EHD4: variants seen among roughly 807,000 people sequenced by gnomAD.
EHD4 encodes the protein EH domain containing 4, also known as EH domain-containing protein 4.
In EHD4, 37 loss-of-function variants were observed where a neutral mutation model predicts 51.0. The ratio of observed to expected loss-of-function variants is 0.73; its 90% confidence interval spans 0.56 to 0.95. EHD4 has a LOEUF of 0.95. Ranked by LOEUF, EHD4 falls within the 40% of genes least tolerant of loss-of-function variation. EHD4 has a pLI of 0.00. For synonymous variants in EHD4, 297 were observed against 317.3 expected (o/e 0.94, Z 0.68); for missense variants, 632 against 733.1 (o/e 0.86, Z 1.59).
chr15:41,905,436 C>G (rs912834914), intron 5 of EHD4, among the ~76,000 whole-genome samples: 3 of 152,204 alleles, frequency 2.0e-5, no homozygotes, highest in African/African-American at 7.2e-5. Flanking sequence ...CACTAACTTA[C>G]TAATTCACTT....
At chr15:41,909,626 C>A in intron 5 of EHD4, 73 bp downstream of exon 5, 1 of 1,565,748 alleles carries the variant, frequency 6.4e-7, no homozygotes, top group South Asian at 1.1e-5. Context: ...TCATTTGTCT[C>A]CAGCAAACAG....
At chr15:41,948,264 C>A (rs2067828602) in intron 2 of EHD4, among the ~76,000 whole-genome samples, 1 of 151,970 alleles carries the variant, frequency 6.6e-6, no homozygotes, top group Admixed American at 6.6e-5. Flanking sequence ...AAAAAAAAAA[C>A]CACGATGGTT....
At chr15:41,951,200 C>G (rs1162756507) in intron 2 of EHD4, among the ~76,000 whole-genome samples, 2 of 152,194 alleles carry the variant, frequency 1.3e-5, no homozygotes, top group African/African-American at 2.4e-5. Context: ...TTGAGGATAA[C>G]AGTAGCATCA....
At chr15:41,970,072 G>A (rs745734777) in intron 1 of EHD4, among the ~76,000 whole-genome samples, 3 of 152,168 alleles carry the variant, frequency 2.0e-5, no homozygotes, top group Admixed American at 1.3e-4. Flanking sequence ...ATGAATCCAT[G>A]GTTCATTTAC....
chr15:41,918,213 G>A (rs2067598357), intron 4 of EHD4, among the ~76,000 whole-genome samples: 1 of 97,978 alleles, frequency 1.0e-5, no homozygotes, highest in African/African-American at 4.6e-5. Context: ...CACCCAGGGA[G>A]CTTTACACAC....
At chr15:41,943,014 C>T (rs1178825758) in intron 3 of EHD4, 53 bp downstream of exon 3, 1 of 1,430,882 alleles carries the variant, frequency 7.0e-7, no homozygotes, top group Admixed American at 2.0e-5. Flanking sequence ...CTGCTCACAG[C>T]AGAGAGGGCC....
intron 2 of EHD4, among the ~76,000 whole-genome samples, chr15:41,949,540 C>A (rs1398742643): frequency 6.6e-6 from 1 of 152,118 alleles, no homozygotes; most frequent in Non-Finnish European, 1.5e-5. Flanking sequence ...TGTTTATCAT[C>A]ACCATCATCA....
chr15:41,948,448 G>A (rs553222432), intron 2 of EHD4, among the ~76,000 whole-genome samples: 18 of 152,174 alleles, frequency 1.2e-4, no homozygotes, highest in African/African-American at 4.1e-4. Context: ...GTGAGCCACC[G>A]TGGCTGGCCA....
At chr15:41,925,059 CAAA>C (rs10612546) in intron 3 of EHD4, among the ~76,000 whole-genome samples, 38 of 139,834 alleles carry the variant, frequency 2.7e-4, no homozygotes, top group Non-Finnish European at 3.1e-4. Flanking sequence ...GACTGTATCT[CAAA>C]AAAAAAAAAA....
chr15:41,946,837 G>T (rs888165985), intron 2 of EHD4, among the ~76,000 whole-genome samples: 7 of 152,118 alleles, frequency 4.6e-5, no homozygotes, highest in African/African-American at 1.7e-4. Context: ...TTAAAAACTA[G>T]ACTTTTAGAA....
chr15:41,943,528 G>A (rs2067791228), intron 2 of EHD4, among the ~76,000 whole-genome samples: 1 of 152,214 alleles, frequency 6.6e-6, no homozygotes, highest in Non-Finnish European at 1.5e-5. Context: ...TTGACCTCAT[G>A]AGGTGAAGGA....
chr15:41,953,960 G>A lies in EHD4; in HGVS notation c.237-20C>T. 1 of 1,607,358 alleles carries A rather than the reference G, an allele frequency of 6.2e-7. No individual in the cohort carries two copies. The highest frequency in any genetic ancestry group is 1.4e-5 in the African/African-American group (1 of 73,210). The stretch of plus-strand genomic sequence containing the variant: ...AGGTATCTGGGAGAGGGAAGAAGAA[G>A]AGAAAGCTTAGCATCTTATCACAAA... On this transcript the variant is annotated intron_variant, in intron 1 of 5. Coordinates refer to ENST00000220325, the MANE Select transcript of EHD4 (RefSeq NM_139265.4).
chr15:41,901,976 G>T (rs1374627271), intron 5 of EHD4, among the ~76,000 whole-genome samples: 4 of 152,228 alleles, frequency 2.6e-5, no homozygotes, highest in Admixed American at 6.5e-5. Flanking sequence ...GAACTTGTAA[G>T]AGCAGGGAGT....
At chr15:41,954,693 A>G (rs1162461463) in intron 1 of EHD4, among the ~76,000 whole-genome samples, 1 of 151,894 alleles carries the variant, frequency 6.6e-6, no homozygotes, top group African/African-American at 2.4e-5. Context: ...GCTGGAGTGC[A>G]GTGGTGCAAT....
intron 3 of EHD4, among the ~76,000 whole-genome samples, chr15:41,935,821 C>T (rs930244645): frequency 5.3e-5 from 8 of 152,128 alleles, no homozygotes; most frequent in African/African-American, 1.4e-4. Flanking sequence ...GTTGGGTTCT[C>T]GCTTGGGGTC....
intron 2 of EHD4, among the ~76,000 whole-genome samples, chr15:41,950,580 T>C (rs1406003630): frequency 6.6e-6 from 1 of 152,244 alleles, no homozygotes; most frequent in Non-Finnish European, 1.5e-5. Flanking sequence ...TAATTGACTC[T>C]TTCTTAAATA....
chr15:41,945,455 C>A (rs979177242), intron 2 of EHD4, among the ~76,000 whole-genome samples: 38 of 152,128 alleles, frequency 2.5e-4, no homozygotes, highest in Admixed American at 1.3e-4. Context: ...TACAAGCGGG[C>A]AAAGCGAGGA....
chr15:41,933,742 G>T (rs2067713189), intron 3 of EHD4, among the ~76,000 whole-genome samples: 1 of 152,186 alleles, frequency 6.6e-6, no homozygotes, highest in African/African-American at 2.4e-5. Context: ...AACCAGGGAA[G>T]GTTATTAAAC....
chr15:41,947,629 A>T (rs1222389968), intron 2 of EHD4, among the ~76,000 whole-genome samples: 1 of 152,236 alleles, frequency 6.6e-6, no homozygotes, highest in African/African-American at 2.4e-5. Flanking sequence ...ACTGAACTGT[A>T]ATAATTCTTA....
Sources: allele counts gnomAD v4.1 joint callset (sites outside exome capture counted in the v4.1 genomes callset), GRCh38; gene constraint gnomAD v4.1.1; transcripts MANE v1.5; gene names NCBI Gene and HGNC (gene_info 2026-07-23, HGNC 2026-07-21).